Variants in ZNF385D observed in about 807,000 individuals in gnomAD.
ZNF385D encodes zinc finger protein 385D.
Under a neutral mutation model 35.8 loss-of-function variants are expected in ZNF385D, and 15 were observed. The observed-to-expected ratio is 0.42, with a 90% confidence interval of 0.28 to 0.64. ZNF385D has a LOEUF of 0.64. Ranked by LOEUF, ZNF385D falls within the 30% of genes least tolerant of loss-of-function variation. The probability of loss-of-function intolerance (pLI) is 0.23; values close to 1 mark genes in which losing one functional copy is unlikely to be tolerated. For synonymous variants in ZNF385D, 212 were observed against 186.8 expected, an observed-to-expected ratio of 1.13 and a Z score of -1.10; for missense variants, 474 against 494.6, an observed-to-expected ratio of 0.96 and a Z score of 0.39.
intron 2 of ZNF385D, among the ~76,000 whole-genome samples, chr3:21,648,669 C>T (rs2065824382): frequency 6.6e-6 from 1 of 151,846 alleles, no homozygotes; most frequent in Admixed American, 6.6e-5. Flanking sequence ...TTGAAATATC[C>T]CATAATAGGA....
chr3:21,831,955 T>C (rs1440966380), intron 3 of ZNF385D, among the ~76,000 whole-genome samples: 1 of 152,214 alleles, frequency 6.6e-6, no homozygotes, highest in African/African-American at 2.4e-5. Flanking sequence ...ATAAATGTGC[T>C]TTTAAAATAT....
chr3:21,814,459 G>C (rs1057285524), intron 3 of ZNF385D, among the ~76,000 whole-genome samples: 18 of 152,224 alleles, frequency 1.2e-4, no homozygotes, highest in African/African-American at 3.4e-4. Context: ...CAGAGACACA[G>C]ATAGGCTCAA....
At chr3:21,490,369 A>ATT (rs1705339722) in intron 4 of ZNF385D, among the ~76,000 whole-genome samples, 1 of 152,046 alleles carries the variant, frequency 6.6e-6, no homozygotes, top group African/African-American at 2.4e-5. Context: ...CCAAAAAAAA[A>ATT]TTTTCAAATA....
intron 4 of ZNF385D, among the ~76,000 whole-genome samples, chr3:21,485,750 T>G (rs1427651253): frequency 6.6e-6 from 1 of 152,120 alleles, no homozygotes; most frequent in African/African-American, 2.4e-5. Flanking sequence ...GGCCTTATGT[T>G]AGAGGCCTTA....
At chr3:22,103,585 C>G (rs1270379044) in intron 3 of ZNF385D, among the ~76,000 whole-genome samples, 1 of 151,926 alleles carries the variant, frequency 6.6e-6, no homozygotes, top group Non-Finnish European at 1.5e-5. Context: ...TCTGGAGAAC[C>G]AACATAATGT....
intron 3 of ZNF385D, among the ~76,000 whole-genome samples, chr3:21,801,721 C>A (rs781782235): frequency 6.6e-6 from 1 of 152,138 alleles, no homozygotes; most frequent in African/African-American, 2.4e-5. Flanking sequence ...TGGGTGCCCA[C>A]AGAAACATCT....
intron 3 of ZNF385D, among the ~76,000 whole-genome samples, chr3:21,856,193 C>G (rs1351592741): frequency 6.6e-6 from 1 of 151,798 alleles, no homozygotes; most frequent in Non-Finnish European, 1.5e-5. Flanking sequence ...TGATATTGAT[C>G]TCTCCTACTT....
At chr3:21,525,828 A>C (rs1165337960) in intron 3 of ZNF385D, among the ~76,000 whole-genome samples, 1 of 152,174 alleles carries the variant, frequency 6.6e-6, no homozygotes, top group Non-Finnish European at 1.5e-5. Flanking sequence ...AAAATTAGTA[A>C]ACACCTACAT....
At chr3:21,596,606 G>A (rs1427677850) in intron 2 of ZNF385D, among the ~76,000 whole-genome samples, 1 of 150,172 alleles carries the variant, frequency 6.7e-6, no homozygotes, top group Non-Finnish European at 1.5e-5. Flanking sequence ...TCAGCCTACT[G>A]GCCAGCTGAG....
At chr3:22,122,153 A>G (rs1703121526) in intron 3 of ZNF385D, among the ~76,000 whole-genome samples, 1 of 151,984 alleles carries the variant, frequency 6.6e-6, no homozygotes, top group South Asian at 2.1e-4. Context: ...TCAAAATCAA[A>G]GCTGTTACCT....
rs184766089 is a variant in ZNF385D at position 21,596,513 on chromosome 3, A to C, written c.166-31829T>G. Among the ~76,000 whole-genome samples, 7 of 152,054 alleles carry C rather than the reference A, an allele frequency of 4.6e-5. 1 individual carries two copies. The highest frequency in any genetic ancestry group is 1.7e-4 in the African/African-American group (7 of 41,488). On this transcript the variant is annotated intron_variant, in intron 2 of 7. Coordinates refer to ENST00000281523, the MANE Select transcript of ZNF385D (RefSeq NM_024697.3). ...GAAATGAAAGCCAAGGGGTGCAAGT[A>C]GTTTTATTTATTTATTTTTTTAGAG...
intron 2 of ZNF385D, among the ~76,000 whole-genome samples, chr3:22,245,876 C>A (rs2125321322): frequency 6.6e-6 from 1 of 152,192 alleles, no homozygotes; most frequent in South Asian, 2.1e-4. Flanking sequence ...CCTCTCTAAT[C>A]AAGTAATAAT....
At position 21,762,027 on chromosome 3, in the gene ZNF385D, C is replaced by G. The variant is rs1243924535; in HGVS notation, c.326-96999G>C. On this transcript the variant is annotated intron_variant, in intron 3 of 5. Coordinates refer to the ZNF385D transcript ENST00000494108. ...CCGAGTAGCCGAGATTACAAGCATG[C>G]ACCACCATGCCCAGCTAATTTTTAT... 4.0e-5 allele frequency among the ~76,000 whole-genome samples: 6 copies of G among 151,640 alleles called. No homozygotes were observed. In the East Asian group the frequency reaches 1.2e-3, roughly 30 times the overall value.
chr3:21,621,844 G>A (rs1455705074), intron 2 of ZNF385D, among the ~76,000 whole-genome samples: 3 of 144,458 alleles, frequency 2.1e-5, no homozygotes, highest in Non-Finnish European at 4.5e-5. Context: ...AATTTGAAGT[G>A]TTCCTTCCAA....
At chr3:21,794,673 T>C (rs946671337) in intron 3 of ZNF385D, among the ~76,000 whole-genome samples, 2 of 152,104 alleles carry the variant, frequency 1.3e-5, no homozygotes, top group African/African-American at 2.4e-5. Flanking sequence ...GCATGTTAGA[T>C]TGGGATGGGA....
chr3:21,673,840 A>C (rs1316424486), intron 1 of ZNF385D, among the ~76,000 whole-genome samples: 1 of 152,116 alleles, frequency 6.6e-6, no homozygotes, highest in Non-Finnish European at 1.5e-5. Context: ...GTACAATCAC[A>C]AAGTTTTCAT....
intron 1 of ZNF385D, among the ~76,000 whole-genome samples, chr3:21,729,395 C>T (rs2068898076): frequency 1.3e-5 from 2 of 152,010 alleles, no homozygotes; most frequent in Admixed American, 1.3e-4. Context: ...TTTTATAACC[C>T]ACAGTGAAAA....
At chr3:22,240,022 A>G (rs1370504405) in intron 2 of ZNF385D, among the ~76,000 whole-genome samples, 1 of 149,944 alleles carries the variant, frequency 6.7e-6, no homozygotes, top group African/African-American at 2.5e-5. Flanking sequence ...ACAAAAAAAA[A>G]AATACAAAAT....
chr3:21,883,487 T>G (rs548653624), intron 3 of ZNF385D, among the ~76,000 whole-genome samples: 15 of 152,040 alleles, frequency 9.9e-5, no homozygotes, highest in Non-Finnish European at 2.1e-4. Context: ...ATGATATATA[T>G]TCTGATATAA....
Sources: gnomAD v4.1 joint callset for allele counts (sites outside exome capture counted in the v4.1 genomes callset) on GRCh38, gnomAD v4.1.1 for gene constraint, MANE v1.5 for transcripts, NCBI Gene and HGNC (gene_info 2026-07-23, HGNC 2026-07-21) for gene names.